CADM2: variants seen among roughly 807,000 people sequenced by gnomAD.
The protein encoded by CADM2 is cell adhesion molecule 2.
CADM2 carries 12 observed loss-of-function variants against 49.8 expected under a neutral mutation model. That is an observed-to-expected ratio of 0.24 (90% CI 0.15 to 0.39). The LOEUF (loss-of-function observed/expected upper bound fraction) is 0.39. Ranked by LOEUF, CADM2 falls within the 10% of genes least tolerant of loss-of-function variation. The pLI is 1.00. For synonymous variants in CADM2, 214 were observed against 175.4 expected, an observed-to-expected ratio of 1.22 and a Z score of -1.74; for missense variants, 378 against 492.3, an observed-to-expected ratio of 0.77 and a Z score of 2.20.
Position 85,415,391 on chromosome 3 carries a change from T to G in CADM2, c.62-311131T>G, listed in dbSNP as rs534976563. 2.1e-5 allele frequency among the ~76,000 whole-genome samples: 3 copies of G among 142,722 alleles called. No individual in the cohort carries two copies. The South Asian group carries it at 6.8e-4, about 32-fold the overall frequency. 93.6% of individuals were successfully genotyped at this position (142,722 alleles called of 152,430 possible). A position where few individuals can be genotyped will look rare whatever the true frequency, so the allele number is the denominator to read the frequency against. ...TAATATACACTCAAAGTGATTCTGA[T>G]GAAAGTACGAATAGTGCCAGCTTTT... On this transcript the variant is annotated intron_variant, in intron 1 of 9. Coordinates refer to ENST00000383699, the MANE Select transcript of CADM2 (RefSeq NM_001167675.2).
At chr3:85,515,600 C>T (rs2060876341) in intron 1 of CADM2, among the ~76,000 whole-genome samples, 1 of 136,696 alleles carries the variant, frequency 7.3e-6, no homozygotes. Flanking sequence ...AGAGTGCCAC[C>T]ACGCCCACTA....
At chr3:85,236,379 A>G (rs933756821) in intron 1 of CADM2, among the ~76,000 whole-genome samples, 2 of 152,212 alleles carry the variant, frequency 1.3e-5, no homozygotes, top group East Asian at 1.9e-4. Flanking sequence ...ATAACTAGCA[A>G]TACAAAATGA....
chr3:85,415,802 C>G (rs186438286), intron 1 of CADM2, among the ~76,000 whole-genome samples: 3 of 152,146 alleles, frequency 2.0e-5, no homozygotes, highest in African/African-American at 7.2e-5. Context: ...GCAGTAGGAT[C>G]AAAGCTTGTA....
At chr3:85,344,171 C>T (rs956429014) in intron 1 of CADM2, among the ~76,000 whole-genome samples, 1 of 151,458 alleles carries the variant, frequency 6.6e-6, no homozygotes, top group African/African-American at 2.4e-5. Flanking sequence ...GTCAGGAGAT[C>T]GAGACCATCT....
intron 3 of CADM2, among the ~76,000 whole-genome samples, chr3:85,850,537 C>G (rs183793481): frequency 6.6e-6 from 1 of 151,966 alleles, no homozygotes; most frequent in East Asian, 1.9e-4. Context: ...ACCATGTTTG[C>G]AAGGATGGTC....
chr3:85,781,826 G>T (rs1182704434), intron 2 of CADM2, among the ~76,000 whole-genome samples: 3 of 152,148 alleles, frequency 2.0e-5, no homozygotes, highest in Admixed American at 6.6e-5. Context: ...AATCCTTGAA[G>T]AAATTTAAAA....
intron 1 of CADM2, among the ~76,000 whole-genome samples, chr3:85,351,759 A>G (rs1159319463): frequency 6.6e-6 from 1 of 152,158 alleles, no homozygotes; most frequent in Non-Finnish European, 1.5e-5. Flanking sequence ...ATATTTGAAT[A>G]GTGTCATTTA....
intron 2 of CADM2, among the ~76,000 whole-genome samples, chr3:85,795,480 C>T (rs995289701): frequency 2.6e-5 from 4 of 152,024 alleles, no homozygotes; most frequent in South Asian, 2.1e-4. Context: ...TTTTAGGCTG[C>T]GGGTCCTAGA....
Position 85,961,538 on chromosome 3 carries a change from T to C in CADM2, c.861T>C (p.Gly287=). The C allele has an allele frequency of 6.2e-7, 1 of 1,610,330 alleles. No individual in the cohort carries two copies. The highest frequency in any genetic ancestry group is 8.5e-7 in the Non-Finnish European group (1 of 1,177,326). ...LPDPDRMVVS[G]RELNILFLNK... ...ATCCTGACCGAATGGTTGTGAGTGG[T>C]AGGGAGCTAAACATTCTTTTCCTGA... is the stretch of plus-strand genomic sequence containing the variant. Residue 287 remains glycine (G), a synonymous_variant, in exon 8 of 10, where the codon GGT becomes GGC. Coordinates refer to ENST00000383699, the MANE Select transcript of CADM2 (RefSeq NM_001167675.2).
chr3:84,961,305 G>T (rs1211653377), intron 1 of CADM2, among the ~76,000 whole-genome samples: 1 of 152,118 alleles, frequency 6.6e-6, no homozygotes, highest in Non-Finnish European at 1.5e-5. Context: ...GAGGCGGTGG[G>T]CAGAATTTTC....
chr3:85,170,905 T>C (rs1203037127), intron 1 of CADM2, among the ~76,000 whole-genome samples: 6 of 152,274 alleles, frequency 3.9e-5, no homozygotes, highest in East Asian at 3.9e-4. Flanking sequence ...CCTGTTTTGT[T>C]TGATGAACAA....
At chr3:85,980,019 C>T (rs1324852718) in intron 8 of CADM2, among the ~76,000 whole-genome samples, 1 of 150,948 alleles carries the variant, frequency 6.6e-6, no homozygotes, top group Admixed American at 6.7e-5. Context: ...TATTCCTGAG[C>T]AGTCATTAAG....
rs192839555 is a variant in CADM2 at position 85,694,143 on chromosome 3, C to T, written c.62-32379C>T. ...TTTTCTTTATCATCTTTTGTGATGA[C>T]AGCAACAGCAACAGTGAGTTAAAAT... On this transcript the variant is annotated intron_variant, in intron 1 of 9. Transcript: ENST00000383699. Among the ~76,000 whole-genome samples the T allele has an allele frequency of 2.2e-3, 340 of 152,202 alleles. 1 individual carries two copies. The highest frequency in any genetic ancestry group is 7.9e-3 in the African/African-American group (326 of 41,520).
At chr3:85,801,012 T>C (rs1002331875) in intron 2 of CADM2, 6 of 152,246 alleles carry the variant, frequency 3.9e-5, no homozygotes, top group Admixed American at 3.3e-4. Flanking sequence ...TGTTCTTGCA[T>C]ATGTAAATTA....
chr3:85,496,651 T>C lies in CADM2; in HGVS notation c.62-229871T>C, dbSNP rs1400990343. 2.6e-5 allele frequency among the ~76,000 whole-genome samples: 4 copies of C among 152,306 alleles called. No homozygotes were observed. The East Asian group carries it at 7.7e-4, about 29-fold the overall frequency. ...CCACAGTGGCTGAACTAATTTGCAG[T>C]CCCACCAACAGCGTATAACCATTCC... On this transcript the variant is annotated intron_variant, in intron 1 of 9. Coordinates refer to ENST00000383699, the MANE Select transcript of CADM2 (RefSeq NM_001167675.2).
At chr3:85,264,610 T>C (rs1274751622) in intron 1 of CADM2, among the ~76,000 whole-genome samples, 1 of 152,048 alleles carries the variant, frequency 6.6e-6, no homozygotes, top group Non-Finnish European at 1.5e-5. Flanking sequence ...CTATTTATTC[T>C]CTACACTTAA....
rs190140637 is a variant in CADM2, at chr3:85,213,535, C to T, written c.61+253867C>T. Among the ~76,000 whole-genome samples the T allele has an allele frequency of 1.8e-3, 274 of 152,126 alleles. 1 individual carries two copies. Among genetic ancestry groups the T allele is most frequent in the African/African-American group, 6.3e-3 (263 of 41,526 alleles). On this transcript the variant is annotated intron_variant, in intron 1 of 9. Transcript: ENST00000383699. ...CCTTTGAGAGTTTGATTATTAAATG[C>T]TTTAAGGTGGTTTCCTTTAGTTTAT...
At chr3:85,962,925 A>G (rs905052462) in intron 8 of CADM2, among the ~76,000 whole-genome samples, 8 of 152,102 alleles carry the variant, frequency 5.3e-5, no homozygotes, top group African/African-American at 1.9e-4. Flanking sequence ...GAATGCATTT[A>G]TGGAATACTA....
At chr3:86,030,849 C>T (rs943769269) in intron 8 of CADM2, among the ~76,000 whole-genome samples, 14 of 151,784 alleles carry the variant, frequency 9.2e-5, no homozygotes, top group African/African-American at 3.4e-4. Flanking sequence ...ATTTCTAAAA[C>T]TACTCTTTAT....
Sources: gnomAD v4.1 joint callset for allele counts (sites outside exome capture counted in the v4.1 genomes callset) on GRCh38, gnomAD v4.1.1 for gene constraint, MANE v1.5 for transcripts, NCBI Gene and HGNC (gene_info 2026-07-23, HGNC 2026-07-21) for gene names.